The following RABL3 variants were observed in gnomAD, a reference collection of about 807,000 sequenced individuals.
The protein encoded by RABL3 is rab-like protein 3.
In RABL3, 31 loss-of-function variants were observed where a neutral mutation model predicts 31.8. The observed-to-expected ratio is 0.97, with a 90% CI of 0.73 to 1.31. The LOEUF is 1.31. RABL3 is among the 40% of genes most tolerant of loss of function. The pLI, the probability that RABL3 is intolerant of heterozygous loss-of-function variation, is 0.00. For synonymous variants in RABL3, 97 were observed against 99.9 expected (o/e 0.97, Z 0.18); for missense variants, 263 against 279.6 (o/e 0.94, Z 0.42).
At chr3:120,728,125 C>T (rs1708843408) in intron 2 of RABL3, among the ~76,000 whole-genome samples, 1 of 151,984 alleles carries the variant, frequency 6.6e-6, no homozygotes, top group African/African-American at 2.4e-5. Flanking sequence ...AGGTGAACAA[C>T]ATGAATAGAA....
intron 6 of RABL3, among the ~76,000 whole-genome samples, chr3:120,691,225 TA>T (rs1223796043): frequency 1.3e-5 from 2 of 152,196 alleles, no homozygotes; most frequent in African/African-American, 2.4e-5. Flanking sequence ...CTGTAAACCC[TA>T]AAGAGCACCA....
chr3:120,738,873 T>C (rs1397118316), intron 1 of RABL3, among the ~76,000 whole-genome samples: 1 of 152,222 alleles, frequency 6.6e-6, no homozygotes, highest in African/African-American at 2.4e-5. Flanking sequence ...TTTAAACCTT[T>C]GTTTAAAATT....
At chr3:120,699,159 AT>A (rs1191342325) in intron 4 of RABL3, among the ~76,000 whole-genome samples, 1 of 152,074 alleles carries the variant, frequency 6.6e-6, no homozygotes, top group East Asian at 1.9e-4. Flanking sequence ...AATAAATCAA[AT>A]ATAGGTGATA....
At chr3:120,696,699 G>A (rs537663793) in intron 5 of RABL3, among the ~76,000 whole-genome samples, 19 of 151,882 alleles carry the variant, frequency 1.3e-4, no homozygotes, top group Non-Finnish European at 2.8e-4. Context: ...TAAAGTAAGC[G>A]CTGAAACAAA....
At chr3:120,726,478 G>A (rs976581808) in intron 2 of RABL3, among the ~76,000 whole-genome samples, 8 of 151,980 alleles carry the variant, frequency 5.3e-5, no homozygotes, top group African/African-American at 1.9e-4. Flanking sequence ...AAAAAAAGTC[G>A]GGCCAGGCAC....
intron 1 of RABL3, among the ~76,000 whole-genome samples, chr3:120,734,605 C>A (rs1327960934): frequency 6.6e-6 from 1 of 152,172 alleles, no homozygotes; most frequent in Non-Finnish European, 1.5e-5. Flanking sequence ...TGAGAGAGGG[C>A]ATCCTTGTCT....
chr3:120,689,720 AGAT>A lies in RABL3; in HGVS notation c.*100_*102del. On this transcript the variant is annotated 3_prime_UTR_variant, in exon 8 of 8. Coordinates refer to ENST00000273375, the MANE Select transcript of RABL3 (RefSeq NM_173825.5). ...GGTAAGGCTGAAGGGTAGCATTTTA[AGAT>A]GATTTTGTTAAAAGGCTGTGATGGT... is the stretch of plus-strand genomic sequence containing the variant. 1.2e-6 allele frequency: 1 copy of A among 816,716 alleles called. No homozygotes were observed. The highest frequency in any genetic ancestry group is 2.1e-6 in the Non-Finnish European group (1 of 482,386). 50.6% of individuals were successfully genotyped at this position (816,716 alleles called of 1,614,324 possible).
At chr3:120,742,582 G>T (rs1709061808), upstream of RABL3, 2 of 1,458,510 alleles carry the variant, frequency 1.4e-6, no homozygotes, top group African/African-American at 1.4e-5. Context: ...GGAGGGCAGA[G>T]CCTTCAATTT....
rs1289971778 is a variant in RABL3 at position 120,688,261 on chromosome 3, T to C, written c.*1562A>G. ...GCATTTGGTTTCTACTTCCCAACTGTACAGCCTATGCAACAACATACTTGT... is the reference window on the plus strand; with the variant it reads ...GCATTTGGTTTCTACTTCCCAACTGCACAGCCTATGCAACAACATACTTGT... On this transcript the variant is annotated 3_prime_UTR_variant, in exon 8 of 8. Transcript: ENST00000273375. 3 of 152,750 alleles carry C rather than the reference T, an allele frequency of 2.0e-5. No homozygotes were observed. The highest frequency in any genetic ancestry group is 7.2e-5 in the African/African-American group (3 of 41,566). The allele number at this position is 152,750 out of a possible 1,614,324, so 9.5% of individuals were successfully genotyped here. A position where few individuals can be genotyped will look rare whatever the true frequency, so the allele number is the denominator to read the frequency against.
intron 1 of RABL3, 117 bp downstream of exon 1, chr3:120,742,343 CTG>C: frequency 3.2e-6 from 3 of 937,932 alleles, no homozygotes; most frequent in Admixed American, 3.9e-5. Flanking sequence ...TCTTCAGGCC[CTG>C]GGAGGGACTT....
intron 1 of RABL3, among the ~76,000 whole-genome samples, chr3:120,732,541 ATGTTT>A (rs1708898158): frequency 6.6e-6 from 1 of 152,040 alleles, no homozygotes; most frequent in Non-Finnish European, 1.5e-5. Context: ...ATAAAGAAAT[ATGTTT>A]TATTTTATTT....
chr3:120,705,883 T>C, intron 4 of RABL3, 117 bp downstream of exon 4: 2 of 692,890 alleles, frequency 2.9e-6, no homozygotes, highest in Non-Finnish European at 5.2e-6. Flanking sequence ...AAGGAAAAGA[T>C]AATCTATACA....
chr3:120,736,942 C>G (rs2107598919), intron 1 of RABL3, among the ~76,000 whole-genome samples: 1 of 152,342 alleles, frequency 6.6e-6, no homozygotes, highest in East Asian at 1.9e-4. Context: ...ACTTTTCTCT[C>G]TGGCTGCCCT....
In RABL3 at chr3:120,689,089, C is replaced by T. The variant is rs1042905103; in HGVS notation, c.*734G>A. 3.9e-5 allele frequency: 6 copies of T among 152,146 alleles called. No individual in the cohort carries two copies. The allele number at this position is 152,146 out of a possible 1,614,324, so 9.4% of individuals were successfully genotyped here. On this transcript the variant is annotated 3_prime_UTR_variant, in exon 8 of 8. Coordinates refer to ENST00000273375, the MANE Select transcript of RABL3 (RefSeq NM_173825.5). ...CCTATTTCCAAACAGAAAACCTAGA[C>T]TGTATATAGCAGCAACCTTAAGAGT...
At chr3:120,737,790 C>T (rs1212283143) in intron 1 of RABL3, among the ~76,000 whole-genome samples, 4 of 152,220 alleles carry the variant, frequency 2.6e-5, no homozygotes, top group Admixed American at 2.6e-4. Flanking sequence ...GAGGTCCGCT[C>T]CAGACCCTGT....
intron 5 of RABL3, among the ~76,000 whole-genome samples, 160 bp downstream of exon 5, chr3:120,698,263 C>A (rs1175590320): frequency 6.6e-6 from 1 of 152,222 alleles, no homozygotes; most frequent in East Asian, 1.9e-4. Context: ...ATCTCTCAGT[C>A]TAGATATGTT....
At chr3:120,702,372 A>G (rs1708501707) in intron 4 of RABL3, among the ~76,000 whole-genome samples, 1 of 151,994 alleles carries the variant, frequency 6.6e-6, no homozygotes, top group Admixed American at 6.6e-5. Flanking sequence ...CCTCACATGC[A>G]CAGTTCACAA....
chr3:120,730,617 G>A (rs959533090), intron 2 of RABL3, 79 bp downstream of exon 2: 1 of 952,338 alleles, frequency 1.1e-6, no homozygotes, highest in South Asian at 1.4e-5. Context: ...CTTGACCATA[G>A]TACTGTAATT....
chr3:120,689,733 A>G lies in RABL3; in HGVS notation c.*90T>C. ...GGTAGCATTTTAAGATGATTTTGTTAAAAGGCTGTGATGGTAATAATTGAA... is the reference window on the plus strand; with the variant it reads ...GGTAGCATTTTAAGATGATTTTGTTGAAAGGCTGTGATGGTAATAATTGAA... On this transcript the variant is annotated 3_prime_UTR_variant, in exon 8 of 8. Coordinates refer to ENST00000273375, the MANE Select transcript of RABL3 (RefSeq NM_173825.5). 1 of 883,932 alleles carries G rather than the reference A, an allele frequency of 1.1e-6. No individual in the cohort carries two copies. Among genetic ancestry groups the G allele is most frequent in the Non-Finnish European group, 1.9e-6 (1 of 537,656 alleles). The allele number at this position is 883,932 out of a possible 1,614,324, so 54.8% of individuals were successfully genotyped here.
Sources: allele counts gnomAD v4.1 joint callset (sites outside exome capture counted in the v4.1 genomes callset), GRCh38; gene constraint gnomAD v4.1.1; transcripts MANE v1.5; gene names NCBI Gene and HGNC (gene_info 2026-07-23, HGNC 2026-07-21).